Variants in GNL2 observed in about 807,000 individuals in gnomAD.
The protein encoded by GNL2 is nucleolar GTP-binding protein 2.
In GNL2, 51 loss-of-function variants were observed where a neutral mutation model predicts 92.3. That is an observed-to-expected ratio of 0.55 (90% CI 0.44 to 0.70). The LOEUF (loss-of-function observed/expected upper bound fraction) is 0.70. Among genes scored for constraint, GNL2 ranks in the 30% least tolerant of loss-of-function variants. The pLI, the probability that GNL2 is intolerant of heterozygous loss-of-function variation, is 0.00. For missense variants in GNL2, 844 were observed against 895.6 expected, an observed-to-expected ratio of 0.94 and a Z score of 0.74; for synonymous variants, 283 against 300.6, an observed-to-expected ratio of 0.94 and a Z score of 0.61.
intron 12 of GNL2, among the ~76,000 whole-genome samples, chr1:37,573,572 T>G (rs1643628477): frequency 6.6e-6 from 1 of 152,228 alleles, no homozygotes; most frequent in African/African-American, 2.4e-5. Flanking sequence ...GCCAGGGCTG[T>G]TTTTCGTTCC....
chr1:37,569,020 C>T lies in GNL2; in HGVS notation c.1699G>A (p.Glu567Lys), dbSNP rs924543673. The T allele has an allele frequency of 8.1e-6, 13 of 1,614,022 alleles. 1 individual carries two copies. The African/African-American group carries it at 9.3e-5, about 12-fold the overall frequency. The change falls in exon 13 of 16, where the codon GAG (glutamate) becomes AAG (lysine). Residue 567 changes from glutamate (E) to lysine (K), a missense_variant. Transcript: ENST00000373062. ...EELESFSDEE[E>K]EEQEQQRDDA... ...TCTCTTTGTTGCTCCTGTTCCTCCTCCTCTTCATCAGAAAAGCTCTCAAGC... is the reference window on the plus strand; with the variant it reads ...TCTCTTTGTTGCTCCTGTTCCTCCTTCTCTTCATCAGAAAAGCTCTCAAGC...
intron 8 of GNL2, among the ~76,000 whole-genome samples, chr1:37,580,118 A>T (rs1439818231): frequency 6.6e-6 from 1 of 152,144 alleles, no homozygotes; most frequent in African/African-American, 2.4e-5. Flanking sequence ...GAACAAGAGA[A>T]ATTTTAAATT....
chr1:37,568,005 C>G, intron 14 of GNL2: 1 of 589,914 alleles, frequency 1.7e-6, no homozygotes, highest in Non-Finnish European at 3.0e-6. Flanking sequence ...AAACACACCC[C>G]CCTCTTTGTC....
chr1:37,585,160 GCGATT>G (rs1396421159), intron 5 of GNL2, among the ~76,000 whole-genome samples: 2 of 146,962 alleles, frequency 1.4e-5, no homozygotes, highest in African/African-American at 5.1e-5. Context: ...CCGGGTTTAA[GCGATT>G]CCCCAGCCTC....
chr1:37,579,301 A>G (rs56747724), intron 8 of GNL2, among the ~76,000 whole-genome samples: 31,357 of 152,062 alleles, frequency 0.21, 3,707 homozygotes, highest in East Asian at 0.33. Context: ...TAATCCCAGC[A>G]CTCTGGGAGG....
chr1:37,568,856 T>C lies in GNL2; in HGVS notation c.1863A>G (p.Ala621=). 2 of 1,608,634 alleles carry C rather than the reference T, an allele frequency of 1.2e-6. No homozygotes were observed. The highest frequency in any genetic ancestry group is 1.7e-6 in the Non-Finnish European group (2 of 1,176,928). Reference sequence around the variant, plus strand: ...TGAGAAGATGAAAATATTACCTGACTGCTGAAAACTTTTTGGCTTTGGCTT... The same window carrying C: ...TGAGAAGATGAAAATATTACCTGACCGCTGAAAACTTTTTGGCTTTGGCTT... ...LDKAKAKKFS[A]VRISKGLSEK... The change falls in exon 13 of 16, where the codon GCA becomes GCG. Residue 621 remains alanine (A), a synonymous_variant. Transcript: ENST00000373062.
At position 37,582,850 on chromosome 1, in the gene GNL2, C is replaced by T. The variant is rs184577037; in HGVS notation, c.723G>A (p.Leu241=). 6.2e-7 allele frequency: 1 copy of T among 1,613,500 alleles called. No homozygotes were observed. Among genetic ancestry groups the T allele is most frequent in the Non-Finnish European group, 8.5e-7 (1 of 1,179,476 alleles). The change falls in exon 7 of 16, where the codon CTG becomes CTA. Residue 241 remains leucine (L), a synonymous_variant. Transcript: ENST00000373062. ...GGTGTTTCCAAGGTTTTTCCTTCTT[C>T]AGGTAAGTTTCAATGTGAGGGGAAC... The part of the protein sequence containing the change: ...GTRSPHIETY[L]KKEKPWKHLI...
At chr1:37,569,484 C>G (rs920554843) in intron 12 of GNL2, 182 bp from the exon 13 acceptor site, 1 of 587,978 alleles carries the variant, frequency 1.7e-6, no homozygotes, top group Admixed American at 3.0e-5. Context: ...GCCCAGAGAT[C>G]AGTACTAGGA....
intron 5 of GNL2, among the ~76,000 whole-genome samples, chr1:37,586,299 A>G (rs1379886493): frequency 6.6e-6 from 1 of 152,060 alleles, no homozygotes; most frequent in Non-Finnish European, 1.5e-5. Context: ...TTTTGTAGAG[A>G]CAAGGTCTCA....
At chr1:37,568,763 C>A in intron 13 of GNL2, 88 bp downstream of exon 13, 2 of 881,014 alleles carry the variant, frequency 2.3e-6, no homozygotes, top group Non-Finnish European at 3.7e-6. Flanking sequence ...TGGCAATAAC[C>A]CCATGTAAAA....
chr1:37,570,186 C>T (rs562068296), intron 12 of GNL2: 1 of 152,280 alleles, frequency 6.6e-6, no homozygotes, highest in Admixed American at 6.5e-5. Context: ...ATCATGAGGG[C>T]TCCATCCCCA....
intron 5 of GNL2, among the ~76,000 whole-genome samples, chr1:37,586,425 T>C (rs531632759): frequency 6.6e-6 from 1 of 152,312 alleles, no homozygotes; most frequent in East Asian, 1.9e-4. Flanking sequence ...CTGATTCTCC[T>C]TTTGAGTATG....
At chr1:37,583,265 T>C (rs12752030) in intron 6 of GNL2, 9,811 of 176,718 alleles carry the variant, frequency 0.056, 347 homozygotes, top group South Asian at 0.14. Context: ...AAGTTTGTAA[T>C]ATTATAGGTT....
At position 37,575,822 on chromosome 1, in the gene GNL2, G is replaced by A. The variant is rs373437578; in HGVS notation, c.1039-123C>T. The A allele has an allele frequency of 5.2e-5, 32 of 615,944 alleles. No homozygotes were observed. Among genetic ancestry groups the A allele is most frequent in the Non-Finnish European group, 7.7e-5 (27 of 350,040 alleles). The allele number at this position is 615,944 out of a possible 1,614,324, so 38.2% of individuals were successfully genotyped here. On this transcript the variant is annotated intron_variant, in intron 9 of 15. Coordinates refer to ENST00000373062, the MANE Select transcript of GNL2 (RefSeq NM_013285.3). The surrounding 1 kb of genome is among the most constrained non-coding windows in gnomAD (Gnocchi z 4.1). ...GGGGTGAGTCAAAGAAAAGCAACGC[G>A]CTAAGTAATTAAGCTACTAACTCTC... is the stretch of plus-strand genomic sequence containing the variant.
chr1:37,581,492 G>A (rs968999364), intron 8 of GNL2: 2 of 455,974 alleles, frequency 4.4e-6, no homozygotes, highest in African/African-American at 2.0e-5. Flanking sequence ...ATGGGCAGAG[G>A]ATGCACAGCA....
At chr1:37,593,388 T>G in intron 2 of GNL2, 1 of 186,414 alleles carries the variant, frequency 5.4e-6, no homozygotes, top group Non-Finnish European at 1.1e-5. Context: ...AGTGCCACAA[T>G]GTCATGATCT....
At chr1:37,573,896 T>A (rs1374011286) in intron 12 of GNL2, among the ~76,000 whole-genome samples, 5 of 151,176 alleles carry the variant, frequency 3.3e-5, no homozygotes, top group South Asian at 2.1e-4. Flanking sequence ...CTCAAAAAAA[T>A]TTTTTTTTAT....
chr1:37,574,572 C>A (rs1643647231), intron 11 of GNL2, 93 bp downstream of exon 11: 3 of 1,390,566 alleles, frequency 2.2e-6, no homozygotes, highest in Non-Finnish European at 3.1e-6. Context: ...AAGTTTCACA[C>A]TGCTCATACA....
intron 4 of GNL2, among the ~76,000 whole-genome samples, chr1:37,590,319 G>C (rs1339737477): frequency 6.6e-6 from 1 of 152,182 alleles, no homozygotes; most frequent in Non-Finnish European, 1.5e-5. Flanking sequence ...TGTTGGTCAG[G>C]TTGGTCTCAA....
Sources: gnomAD v4.1 joint callset for allele counts (sites outside exome capture counted in the v4.1 genomes callset) on GRCh38, gnomAD v4.1.1 for gene constraint, Gnocchi (gnomAD v3.1) non-coding constraint, MANE v1.5 for transcripts, NCBI Gene and HGNC (gene_info 2026-07-23, HGNC 2026-07-21) for gene names.